RPH3A: variants seen among roughly 807,000 people sequenced by gnomAD.
RPH3A encodes rabphilin 3A, also known as rabphilin-3A.
In RPH3A, 48 loss-of-function variants were observed where a neutral mutation model predicts 102.2. That is an observed-to-expected ratio of 0.47 (90% CI 0.37 to 0.60). RPH3A has a LOEUF of 0.60. Among genes scored for constraint, RPH3A ranks in the 20% least tolerant of loss-of-function variants. RPH3A has a pLI of 0.00. For synonymous variants in RPH3A, 310 were observed against 324.3 expected (o/e 0.96, Z 0.47); for missense variants, 781 against 910.1 (o/e 0.86, Z 1.83).
chr12:112,728,574 A>T (rs2040612269), intron 1 of RPH3A, among the ~76,000 whole-genome samples: 1 of 152,330 alleles, frequency 6.6e-6, no homozygotes, highest in Middle Eastern at 3.4e-3. Flanking sequence ...GGTGGTTATT[A>T]AGTATTAGAC....
Position 112,576,932 on chromosome 12 carries a change from G to A in RPH3A, c.-140+1613G>A, listed in dbSNP as rs142601060. ...TCCTTTTTTTTTTTTTTGAGATAGAGTCTCTCTCTGTCACCCAGGCTGGAG... is the reference window on the plus strand; with the variant it reads ...TCCTTTTTTTTTTTTTTGAGATAGAATCTCTCTCTGTCACCCAGGCTGGAG... On this transcript the variant is annotated intron_variant, in intron 1 of 21. Transcript: ENST00000543106. Among the ~76,000 whole-genome samples the A allele has an allele frequency of 3.7e-3, 327 of 89,334 alleles. 1 individual carries two copies. Among genetic ancestry groups the A allele is most frequent in the Middle Eastern group, 6.6e-3 (1 of 152 alleles). 58.6% of individuals were successfully genotyped at this position (89,334 alleles called of 152,430 possible). A position where few individuals can be genotyped will look rare whatever the true frequency, so the allele number is the denominator to read the frequency against.
chr12:112,750,551 A>G (rs948919045), intron 1 of RPH3A, among the ~76,000 whole-genome samples: 4 of 152,100 alleles, frequency 2.6e-5, no homozygotes, highest in Non-Finnish European at 5.9e-5. Context: ...TAATTCCCTG[A>G]TACTTCTCCT....
chr12:112,858,777 G>A (rs2042458437), intron 5 of RPH3A, among the ~76,000 whole-genome samples: 1 of 152,186 alleles, frequency 6.6e-6, no homozygotes, highest in Non-Finnish European at 1.5e-5. Flanking sequence ...GGATGGCAAG[G>A]CCAGACCACG....
At chr12:112,751,674 T>A (rs2040786744) in intron 1 of RPH3A, among the ~76,000 whole-genome samples, 1 of 152,144 alleles carries the variant, frequency 6.6e-6, no homozygotes, top group Non-Finnish European at 1.5e-5. Context: ...CCCAGCACTT[T>A]GGGAGGCTGA....
chr12:112,715,407 TG>T (rs1346966548), intron 1 of RPH3A, among the ~76,000 whole-genome samples: 1 of 152,178 alleles, frequency 6.6e-6, no homozygotes, highest in Non-Finnish European at 1.5e-5. Flanking sequence ...TGCTTATTTA[TG>T]TATTGCCTTT....
intron 1 of RPH3A, among the ~76,000 whole-genome samples, chr12:112,738,897 T>C (rs1420903471): frequency 2.0e-5 from 3 of 152,036 alleles, no homozygotes; most frequent in Admixed American, 2.0e-4. Context: ...AGGTATTTGG[T>C]TTTCTCTCTT....
intron 1 of RPH3A, chr12:112,651,895 GGTTCCATGTTTT>G (rs1468941505): frequency 6.6e-6 from 1 of 152,092 alleles, no homozygotes; most frequent in Non-Finnish European, 1.5e-5. Flanking sequence ...ATGTTTTACG[GGTTCCATGTTTT>G]GTAGCATGTA....
intron 1 of RPH3A, among the ~76,000 whole-genome samples, chr12:112,605,676 C>T (rs993226109): frequency 6.6e-5 from 10 of 152,206 alleles, no homozygotes; most frequent in African/African-American, 2.2e-4. Context: ...ATCTGCCCAG[C>T]TTTCATCCAT....
intron 1 of RPH3A, among the ~76,000 whole-genome samples, chr12:112,650,123 G>C (rs1397220783): frequency 6.6e-6 from 1 of 152,158 alleles, no homozygotes; most frequent in Non-Finnish European, 1.5e-5. Context: ...CTCAGTTCCT[G>C]GTTGTAGAAC....
rs754532064 is a variant in RPH3A at position 112,881,791 on chromosome 12, C to T, written c.1271C>T (p.Ser424Leu). The T allele has an allele frequency of 6.2e-7, 1 of 1,612,602 alleles. No individual in the cohort carries two copies. The highest frequency in any genetic ancestry group is 1.1e-5 in the South Asian group (1 of 90,834). The change falls in exon 15 of 22, where the codon TCA becomes TTA. Residue 424 changes from serine (S) to leucine (L), a missense_variant. Around this residue, in one of 2 missense-constraint regions of RPH3A, gnomAD observed 730 missense variants for 810.0 expected, o/e 0.90. Coordinates refer to ENST00000389385, the MANE Select transcript of RPH3A (RefSeq NM_001143854.2). ...TTGCAGGGCCTGAAGCCCATGGATTCAAACGGCTTGGCTGATCCCTACGTT... is the reference window on the plus strand; with the variant it reads ...TTGCAGGGCCTGAAGCCCATGGATTTAAACGGCTTGGCTGATCCCTACGTT... ...IKAKGLKPMDSNGLADPYVKL... is the reference protein window; with the variant it reads ...IKAKGLKPMDLNGLADPYVKL...
chr12:112,869,076 C>G lies in RPH3A; in HGVS notation c.610+481C>G, dbSNP rs147258163. ...ACTAAATTGCTACTATTGACATTATCACTATTATCCAAGTATTATGATTAA... is the reference window on the plus strand; with the variant it reads ...ACTAAATTGCTACTATTGACATTATGACTATTATCCAAGTATTATGATTAA... On this transcript the variant is annotated intron_variant, in intron 8 of 21. Coordinates refer to ENST00000389385, the MANE Select transcript of RPH3A (RefSeq NM_001143854.2). 59 of 154,452 alleles carry G rather than the reference C, an allele frequency of 3.8e-4. No homozygotes were observed. The East Asian group carries it at 0.011, about 29-fold the overall frequency. The allele number at this position is 154,452 out of a possible 1,614,324, so 9.6% of individuals were successfully genotyped here.
At chr12:112,681,522 G>A (rs2136016570) in intron 1 of RPH3A, among the ~76,000 whole-genome samples, 1 of 152,330 alleles carries the variant, frequency 6.6e-6, no homozygotes. Flanking sequence ...TGTTTCTACT[G>A]TAAGCCACCA....
intron 1 of RPH3A, among the ~76,000 whole-genome samples, chr12:112,583,170 T>A (rs1198694164): frequency 6.6e-6 from 1 of 152,246 alleles, no homozygotes; most frequent in African/African-American, 2.4e-5. Flanking sequence ...CTAATTTTCA[T>A]TGAGTTCTTT....
chr12:112,864,830 A>T (rs546435902), intron 5 of RPH3A, among the ~76,000 whole-genome samples: 1 of 152,246 alleles, frequency 6.6e-6, no homozygotes, highest in African/African-American at 2.4e-5. Context: ...CAGAATTTCT[A>T]ATTCAGTTGG....
chr12:112,744,665 A>T (rs1290454637), intron 1 of RPH3A, among the ~76,000 whole-genome samples: 1 of 152,114 alleles, frequency 6.6e-6, no homozygotes, highest in Non-Finnish European at 1.5e-5. Flanking sequence ...AAAGAAAGGC[A>T]CTATTAGCCC....
chr12:112,716,124 G>A (rs2040511830), intron 1 of RPH3A, among the ~76,000 whole-genome samples: 1 of 152,158 alleles, frequency 6.6e-6, no homozygotes, highest in Non-Finnish European at 1.5e-5. Flanking sequence ...TGCCATCTTG[G>A]TTTTGGTAGG....
intron 1 of RPH3A, among the ~76,000 whole-genome samples, chr12:112,661,867 C>G (rs536205169): frequency 6.9e-6 from 1 of 144,974 alleles, no homozygotes; most frequent in African/African-American, 2.4e-5. Flanking sequence ...CCACCACCCA[C>G]CCCCCAAATA....
Position 112,828,367 on chromosome 12 carries a change from A to G in RPH3A, c.49A>G (p.Ser17Gly), listed in dbSNP as rs1168248249. The G allele has an allele frequency of 3.7e-6, 6 of 1,606,256 alleles. No homozygotes were observed. The South Asian group carries it at 6.7e-5, about 18-fold the overall frequency. The change falls in exon 3 of 22, where the codon AGT becomes GGT. Residue 17 changes from serine (S) to glycine (G), a missense_variant. Coordinates refer to ENST00000389385, the MANE Select transcript of RPH3A (RefSeq NM_001143854.2). Reference sequence around the variant, plus strand: ...CAGTTCTAACCGTTGGATGTACCCCAGTGACCGGCCCCTTCAATCAAAGTA... The same window carrying G: ...CAGTTCTAACCGTTGGATGTACCCCGGTGACCGGCCCCTTCAATCAAAGTA... Reference protein sequence around the residue: ...SNSSNRWMYPSDRPLQSNDKE... With the variant: ...SNSSNRWMYPGDRPLQSNDKE...
chr12:112,637,121 A>G (rs777312232), intron 1 of RPH3A, among the ~76,000 whole-genome samples: 4 of 152,128 alleles, frequency 2.6e-5, no homozygotes, highest in Non-Finnish European at 5.9e-5. Flanking sequence ...AGTATTTCCA[A>G]ACATATATAA....
Sources: allele counts gnomAD v4.1 joint callset (sites outside exome capture counted in the v4.1 genomes callset), GRCh38; gene constraint gnomAD v4.1.1; regional missense constraint gnomAD v4.1.1; transcripts MANE v1.5; gene names NCBI Gene and HGNC (gene_info 2026-07-23, HGNC 2026-07-21).